DAB1: variants seen among roughly 807,000 people sequenced by gnomAD.
DAB1 encodes disabled homolog 1.
A neutral mutation model predicts 64.6 loss-of-function variants in DAB1; 15 were observed. The observed-to-expected ratio is 0.23, with a 90% CI of 0.16 to 0.36. The LOEUF (loss-of-function observed/expected upper bound fraction) is 0.36, where lower values mean the gene tolerates loss of function less well. DAB1 is among the 10% of genes least tolerant of loss of function. The pLI is 1.00. For missense variants in DAB1, 596 were observed against 706.7 expected, an observed-to-expected ratio of 0.84 and a Z score of 1.78; for synonymous variants, 235 against 251.9, an observed-to-expected ratio of 0.93 and a Z score of 0.64.
intron 2 of DAB1, among the ~76,000 whole-genome samples, chr1:57,149,026 T>C (rs1164874227): frequency 6.6e-6 from 1 of 152,254 alleles, no homozygotes; most frequent in African/African-American, 2.4e-5. Context: ...CCTCTGGTGC[T>C]AAGCAACCAC....
intron 7 of DAB1, among the ~76,000 whole-genome samples, chr1:57,584,858 G>T (rs956450255): frequency 1.3e-5 from 2 of 152,158 alleles, no homozygotes; most frequent in African/African-American, 4.8e-5. Flanking sequence ...GTGGCAGGAG[G>T]TAGAATGAGA....
intron 3 of DAB1, among the ~76,000 whole-genome samples, chr1:58,469,983 G>A (rs879849954): frequency 9.2e-5 from 14 of 151,806 alleles, no homozygotes; most frequent in Admixed American, 2.0e-4. Flanking sequence ...TTCAATAAAC[G>A]TTTGTAGAAG....
chr1:57,588,297 T>C (rs1414563660), intron 7 of DAB1, among the ~76,000 whole-genome samples: 1 of 152,240 alleles, frequency 6.6e-6, no homozygotes, highest in Non-Finnish European at 1.5e-5. Context: ...ACCAAAGGCA[T>C]GGTGTTTTCT....
In DAB1 at chr1:58,506,202, G is replaced by A. The variant is rs950024192; in HGVS notation, n.115C>T. 1.0e-5 allele frequency: 9 copies of A among 867,156 alleles called. No homozygotes were observed. The African/African-American group carries it at 1.1e-4, about 11-fold the overall frequency. The allele number at this position is 867,156 out of a possible 1,614,324, so 53.7% of individuals were successfully genotyped here. On this transcript the variant is annotated non_coding_transcript_exon_variant, in exon 3 of 21. Transcript: ENST00000485760. ...AAACACTGAACTGGCTCTTATGTCT[G>A]CACAAGCCTAAAACCAAAATTAGTA...
intron 1 of DAB1, among the ~76,000 whole-genome samples, chr1:57,420,569 G>T (rs1204130757): frequency 6.6e-6 from 1 of 152,216 alleles, no homozygotes; most frequent in Non-Finnish European, 1.5e-5. Context: ...ACATCACAAA[G>T]TCAGAAGTAG....
chr1:57,809,588 C>G (rs1192858801), intron 6 of DAB1, among the ~76,000 whole-genome samples: 2 of 152,076 alleles, frequency 1.3e-5, no homozygotes, highest in African/African-American at 2.4e-5. Flanking sequence ...ATCCGAGAAA[C>G]CTGTCATTTA....
intron 9 of DAB1, among the ~76,000 whole-genome samples, chr1:57,057,427 C>A (rs1479879986): frequency 6.6e-6 from 1 of 152,106 alleles, no homozygotes; most frequent in African/African-American, 2.4e-5. Context: ...TAACTACCAT[C>A]TCTAATTGCA....
intron 2 of DAB1, among the ~76,000 whole-genome samples, chr1:57,278,251 C>T (rs1047039383): frequency 6.6e-6 from 1 of 152,160 alleles, no homozygotes; most frequent in African/African-American, 2.4e-5. Flanking sequence ...GCTTTCTCAT[C>T]TGTAAAATGG....
At chr1:57,964,670 A>G (rs1213050955) in intron 5 of DAB1, among the ~76,000 whole-genome samples, 3 of 152,188 alleles carry the variant, frequency 2.0e-5, no homozygotes, top group Admixed American at 1.3e-4. Flanking sequence ...TATTCATTCA[A>G]TGCTTATTCA....
intron 4 of DAB1, among the ~76,000 whole-genome samples, chr1:58,152,858 T>G (rs568658439): frequency 6.6e-6 from 1 of 152,204 alleles, no homozygotes; most frequent in Non-Finnish European, 1.5e-5. Flanking sequence ...CTGAGTTAGA[T>G]AGAAAGAGTT....
At position 57,193,971 on chromosome 1, in the gene DAB1, C is replaced by T. The variant is rs688421; in HGVS notation, c.68-48542G>A. 9.9e-3 allele frequency among the ~76,000 whole-genome samples: 1,515 copies of T among 152,300 alleles called. 28 individuals are homozygous for T. Among genetic ancestry groups the T allele is most frequent in the African/African-American group, 0.035 (1,451 of 41,560 alleles). On this transcript the variant is annotated intron_variant, in intron 2 of 14. Transcript: ENST00000371236. ...GTGATTCTTAGTTCACAGGGTTATC[C>T]TGTGATAGGAAGGACTGAACAGAAT...
intron 6 of DAB1, among the ~76,000 whole-genome samples, chr1:57,724,857 G>A (rs1188974954): frequency 2.0e-5 from 3 of 152,194 alleles, no homozygotes; most frequent in Non-Finnish European, 2.9e-5. Context: ...CCACTCCTTA[G>A]TGCCACCTAT....
intron 7 of DAB1, among the ~76,000 whole-genome samples, chr1:57,495,561 A>G (rs1008546934): frequency 4.6e-5 from 7 of 152,346 alleles, no homozygotes; most frequent in East Asian, 3.9e-4. Context: ...GTGTCCGTAT[A>G]GGTAATGATG....
At chr1:57,085,752 T>C (rs1557692915) in intron 4 of DAB1, among the ~76,000 whole-genome samples, 3 of 152,034 alleles carry the variant, frequency 2.0e-5, no homozygotes, top group Non-Finnish European at 4.4e-5. Context: ...CACCATCACA[T>C]CCCCAGCTCC....
intron 2 of DAB1, among the ~76,000 whole-genome samples, chr1:57,224,322 CT>C (rs1267328622): frequency 6.6e-6 from 1 of 152,312 alleles, no homozygotes; most frequent in Non-Finnish European, 1.5e-5. Flanking sequence ...AATGTCTCCC[CT>C]GATCACCACC....
rs552887808 is a variant in DAB1, at chr1:57,433,431, C to T, written n.626-142265G>A. Reference sequence around the variant, plus strand: ...TTTTTTGAAAAGTGACAATGCAGTTCATTGAGGAAAGTCTTTAAAATATGG... The same window carrying T: ...TTTTTTGAAAAGTGACAATGCAGTTTATTGAGGAAAGTCTTTAAAATATGG... On this transcript the variant is annotated intron_variant and non_coding_transcript_variant, in intron 7 of 20. Coordinates refer to the DAB1 transcript ENST00000485760. 3.9e-5 allele frequency among the ~76,000 whole-genome samples: 6 copies of T among 151,980 alleles called. No homozygotes were observed. The East Asian group carries it at 9.6e-4, about 24-fold the overall frequency.
intron 4 of DAB1, among the ~76,000 whole-genome samples, chr1:58,218,319 G>A (rs747429887): frequency 2.0e-5 from 3 of 152,216 alleles, no homozygotes; most frequent in Non-Finnish European, 2.9e-5. Context: ...GCCGCCTGGA[G>A]TAGGACACCT....
At chr1:58,277,922 G>A (rs541279654) in intron 4 of DAB1, among the ~76,000 whole-genome samples, 1 of 152,312 alleles carries the variant, frequency 6.6e-6, no homozygotes, top group South Asian at 2.1e-4. Context: ...TCCACACCTG[G>A]ATTGTAATCT....
intron 7 of DAB1, among the ~76,000 whole-genome samples, chr1:57,501,223 GT>G (rs1480657427): frequency 1.3e-5 from 2 of 152,192 alleles, no homozygotes; most frequent in East Asian, 3.9e-4. Context: ...TTGAAACGCT[GT>G]CCTGAGACCT....
Sources: gnomAD v4.1 joint callset for allele counts (sites outside exome capture counted in the v4.1 genomes callset) on GRCh38, gnomAD v4.1.1 for gene constraint, MANE v1.5 for transcripts, NCBI Gene and HGNC (gene_info 2026-07-23, HGNC 2026-07-21) for gene names.